Variants in WNT3 observed in about 807,000 individuals in gnomAD.
WNT3 encodes the protein proto-oncogene Wnt-3.
Under a neutral mutation model 34.2 loss-of-function variants are expected in WNT3, and 7 were observed. The ratio of observed to expected loss-of-function variants is 0.20; its 90% CI spans 0.12 to 0.38. The LOEUF is 0.38. Ranked by LOEUF, WNT3 falls within the 10% of genes least tolerant of loss-of-function variation. The pLI is 1.00. For missense variants in WNT3, 267 were observed against 499.8 expected (o/e 0.53, Z 4.44); for synonymous variants, 212 against 211.5 (o/e 1.00, Z -0.02).
intron 1 of WNT3, among the ~76,000 whole-genome samples, chr17:46,792,962 G>C (rs1404934436): frequency 6.6e-6 from 1 of 151,946 alleles, no homozygotes; most frequent in East Asian, 1.9e-4. Context: ...GTGGCACTGA[G>C]ATGGCAAAAA....
At chr17:46,783,504 G>T (rs1252619107) in intron 1 of WNT3, among the ~76,000 whole-genome samples, 1 of 152,250 alleles carries the variant, frequency 6.6e-6, no homozygotes, top group Admixed American at 6.5e-5. Context: ...GGAGGCTGCT[G>T]TCAGTAACAG....
chr17:46,812,076 C>T (rs1272648467), intron 1 of WNT3, among the ~76,000 whole-genome samples: 1 of 152,232 alleles, frequency 6.6e-6, no homozygotes, highest in Non-Finnish European at 1.5e-5. Flanking sequence ...TCCAGCCCGT[C>T]GCCATCCAGT....
intron 1 of WNT3, among the ~76,000 whole-genome samples, chr17:46,796,053 C>T (rs1401236006): frequency 6.6e-6 from 1 of 152,166 alleles, no homozygotes; most frequent in East Asian, 1.9e-4. Flanking sequence ...AGGAGCTGTC[C>T]CATCCGCAGG....
At chr17:46,817,595 G>A (rs976912752) in intron 1 of WNT3, among the ~76,000 whole-genome samples, 12 of 152,150 alleles carry the variant, frequency 7.9e-5, no homozygotes, top group East Asian at 3.9e-4. Flanking sequence ...CTCCCAAAGC[G>A]ATGTTTATTC....
chr17:46,795,913 CGTGTGCACACAT>C, intron 1 of WNT3, among the ~76,000 whole-genome samples: 1 of 152,264 alleles, frequency 6.6e-6, no homozygotes, highest in Non-Finnish European at 1.5e-5. Flanking sequence ...CGCACACACA[CGTGTGCACACAT>C]GTTAAATTCT....
chr17:46,796,256 A>T (rs1309413847), intron 1 of WNT3, among the ~76,000 whole-genome samples: 1 of 152,288 alleles, frequency 6.6e-6, no homozygotes, highest in African/African-American at 2.4e-5. Context: ...CTTTTGTCAC[A>T]GTCCCTGGCA....
intron 1 of WNT3, among the ~76,000 whole-genome samples, chr17:46,795,697 T>C (rs2084043923): frequency 6.6e-6 from 1 of 152,222 alleles, no homozygotes; most frequent in Admixed American, 6.5e-5. Context: ...TCTGCGGCAC[T>C]GCTGACTCAC....
intron 2 of WNT3, 49 bp downstream of exon 2, chr17:46,773,619 T>TGGGGGGGGGGGGGGGGGGGGGGGGGGG: frequency 7.3e-6 from 4 of 549,848 alleles, no homozygotes; most frequent in Non-Finnish European, 6.5e-6. Flanking sequence ...ACAGTCCTGA[T>TGGGGGGGGGGGGGGGGGGGGGGGGGGG]CCCTCCCCCC....
chr17:46,776,558 G>A (rs199519), intron 1 of WNT3, among the ~76,000 whole-genome samples: 95,044 of 152,126 alleles, frequency 0.62, 32,332 homozygotes, highest in South Asian at 0.82. Context: ...CCAGGCTGCA[G>A]AGGTCCCCGT....
At chr17:46,770,143 G>C in intron 2 of WNT3, 95 bp from the exon 3 acceptor site, 1 of 1,434,734 alleles carries the variant, frequency 7.0e-7, no homozygotes, top group Non-Finnish European at 9.2e-7. Context: ...GGGGAACGAG[G>C]CCAGGAAGAG....
At chr17:46,796,442 TG>T (rs2146434184) in intron 1 of WNT3, among the ~76,000 whole-genome samples, 1 of 152,330 alleles carries the variant, frequency 6.6e-6, no homozygotes, top group South Asian at 2.1e-4. Flanking sequence ...AGGCAGAGAT[TG>T]GCCCACATTA....
chr17:46,814,663 C>A (rs999876952), intron 1 of WNT3, among the ~76,000 whole-genome samples: 1 of 152,228 alleles, frequency 6.6e-6, no homozygotes, highest in Non-Finnish European at 1.5e-5. Flanking sequence ...CCAGCCCCAG[C>A]GAGCTGTAAT....
chr17:46,817,634 C>T (rs2084370123), intron 1 of WNT3, among the ~76,000 whole-genome samples: 1 of 140,570 alleles, frequency 7.1e-6, no homozygotes, highest in Admixed American at 7.0e-5. Context: ...ACACGCACAG[C>T]CCCCCCCAAG....
rs749719578 is a variant in WNT3 at position 46,779,103 on chromosome 17, A to ACACACACACACACC, written c.81-5195_81-5194insGGTGTGTGTGTGTG. Reference sequence around the variant, plus strand: ...CACACACACACACACACACACACACACCCCAGCCCACTCGGCCTTCCAAAG... The same window carrying ACACACACACACACC: ...CACACACACACACACACACACACACACACACACACACACCCCCCAGCCCACTCGGCCTTCCAAAG... On this transcript the variant is annotated intron_variant, in intron 1 of 4. Coordinates refer to ENST00000225512, the MANE Select transcript of WNT3 (RefSeq NM_030753.5). 1.4e-3 allele frequency among the ~76,000 whole-genome samples: 191 copies of ACACACACACACACC among 133,602 alleles called. 5 individuals carry two copies. In the East Asian group the frequency reaches 0.024, roughly 17 times the overall value. The allele number at this position is 133,602 out of a possible 152,430, so 87.6% of individuals were successfully genotyped here.
At chr17:46,811,298 C>T (rs2084271713) in intron 1 of WNT3, among the ~76,000 whole-genome samples, 1 of 152,130 alleles carries the variant, frequency 6.6e-6, no homozygotes, top group South Asian at 2.1e-4. Flanking sequence ...ATGGGAAATG[C>T]TGATGTCAAC....
chr17:46,770,469 C>G lies in WNT3; in HGVS notation c.323-421G>C, dbSNP rs187172574. ...GAGCCCTCCCACGCCTGAGTGAGATCCAGGTCTGTAAGGAGGGAGGCCTGG... is the reference window on the plus strand; with the variant it reads ...GAGCCCTCCCACGCCTGAGTGAGATGCAGGTCTGTAAGGAGGGAGGCCTGG... On this transcript the variant is annotated intron_variant, in intron 2 of 4. Coordinates refer to ENST00000225512, the MANE Select transcript of WNT3 (RefSeq NM_030753.5). Among the ~76,000 whole-genome samples the G allele has an allele frequency of 1.5e-3, 222 of 152,304 alleles. 1 individual carries two copies. The highest frequency in any genetic ancestry group is 5.2e-3 in the African/African-American group (217 of 41,574).
intron 1 of WNT3, among the ~76,000 whole-genome samples, chr17:46,802,439 T>C (rs2084137540): frequency 6.6e-6 from 1 of 152,140 alleles, no homozygotes; most frequent in South Asian, 2.1e-4. Flanking sequence ...CTAATTTTTT[T>C]GTATTTTTAG....
In WNT3 at chr17:46,773,333, C is replaced by G. The variant is rs979383404; in HGVS notation, c.322+335G>C. 2.0e-5 allele frequency among the ~76,000 whole-genome samples: 3 copies of G among 152,210 alleles called. No homozygotes were observed. In the East Asian group the frequency reaches 5.8e-4, roughly 29 times the overall value. The stretch of plus-strand genomic sequence containing the variant: ...GGGTGGCAATGCTCTCACCCCCACC[C>G]CAAAGCGGTATTTGCATAGCACTTA... On this transcript the variant is annotated intron_variant, in intron 2 of 4. Coordinates refer to ENST00000225512, the MANE Select transcript of WNT3 (RefSeq NM_030753.5).
chr17:46,810,402 C>T (rs7219626), intron 1 of WNT3, among the ~76,000 whole-genome samples: 31,510 of 152,140 alleles, frequency 0.21, 3,598 homozygotes, highest in South Asian at 0.37. Context: ...GTCCTCAGCT[C>T]CTTCCTGTAG....
Sources: gnomAD v4.1 joint callset for allele counts (sites outside exome capture counted in the v4.1 genomes callset) on GRCh38, gnomAD v4.1.1 for gene constraint, MANE v1.5 for transcripts, NCBI Gene and HGNC (gene_info 2026-07-23, HGNC 2026-07-21) for gene names.